The following CACNA2D4 variants were observed in gnomAD, a reference collection of about 807,000 sequenced individuals.
CACNA2D4 encodes the protein voltage-dependent calcium channel subunit alpha-2/delta-4.
CACNA2D4 carries 157 observed loss-of-function variants against 163.8 expected under a neutral mutation model. The observed-to-expected ratio is 0.96, with a 90% CI of 0.84 to 1.09. The LOEUF (loss-of-function observed/expected upper bound fraction) is 1.09, where lower values mean the gene tolerates loss of function less well. CACNA2D4 is among the 50% of genes least tolerant of loss of function. The pLI is 0.00. For synonymous variants in CACNA2D4, 598 were observed against 586.9 expected (o/e 1.02, Z -0.27); for missense variants, 1,410 against 1,479.9 (o/e 0.95, Z 0.78).
At chr12:1,837,535 C>T (rs938390753) in intron 26 of CACNA2D4, among the ~76,000 whole-genome samples, 1 of 152,104 alleles carries the variant, frequency 6.6e-6, no homozygotes, top group African/African-American at 2.4e-5. Flanking sequence ...CCCGAGAACC[C>T]CCTCCTCAGC....
At position 1,806,822 on chromosome 12, in the gene CACNA2D4, C is replaced by T. The variant is rs141106419; in HGVS notation, c.2721+3456G>A. 3.8e-4 allele frequency among the ~76,000 whole-genome samples: 58 copies of T among 152,196 alleles called. No individual in the cohort carries two copies. The highest frequency in any genetic ancestry group is 1.3e-3 in the African/African-American group (55 of 41,532). ...TCTAACAAGCTCCCAGATGCTGGGGCTTCTGTCCTTCAGCCACACTGGAGG... is the reference window on the plus strand; with the variant it reads ...TCTAACAAGCTCCCAGATGCTGGGGTTTCTGTCCTTCAGCCACACTGGAGG... On this transcript the variant is annotated intron_variant, in intron 29 of 37. Coordinates refer to ENST00000382722, the MANE Select transcript of CACNA2D4 (RefSeq NM_172364.5). This position sits in a 1 kb window ranked among gnomAD's most constrained non-coding sequence, Gnocchi z 4.1.
At chr12:1,872,120 A>G (rs1006771472) in intron 18 of CACNA2D4, among the ~76,000 whole-genome samples, 1 of 152,152 alleles carries the variant, frequency 6.6e-6, no homozygotes, top group Non-Finnish European at 1.5e-5. Context: ...TACGAGTTTA[A>G]CATCCTAGAT....
Position 1,887,124 on chromosome 12 carries a change from C to G in CACNA2D4, c.782-55G>C, listed in dbSNP as rs562362872. 6 of 1,296,260 alleles carry G rather than the reference C, an allele frequency of 4.6e-6. No individual in the cohort carries two copies. The East Asian group carries it at 1.5e-4, about 33-fold the overall frequency. The allele number at this position is 1,296,260 out of a possible 1,614,324, so 80.3% of individuals were successfully genotyped here. On this transcript the variant is annotated intron_variant, in intron 6 of 37. Transcript: ENST00000382722. ...AGCTTGGTGAGGCCACCCCAGATCC[C>G]CTGGCTGGGTGTGGACCCCCAAGAT...
At chr12:1,831,966 C>T (rs1190391739) in intron 26 of CACNA2D4, among the ~76,000 whole-genome samples, 4 of 152,196 alleles carry the variant, frequency 2.6e-5, no homozygotes, top group African/African-American at 9.7e-5. Context: ...TCTTAAACAT[C>T]TCCCCTTACA....
chr12:1,838,025 G>A (rs1207217959), intron 26 of CACNA2D4, among the ~76,000 whole-genome samples: 1 of 152,214 alleles, frequency 6.6e-6, no homozygotes, highest in Non-Finnish European at 1.5e-5. Context: ...CTGGAAGAAT[G>A]CCCGTCTGCT....
chr12:1,841,137 C>T lies in CACNA2D4; in HGVS notation c.2471-318G>A, dbSNP rs190957506. Among the ~76,000 whole-genome samples, 187 of 152,326 alleles carry T rather than the reference C, an allele frequency of 1.2e-3. 1 individual carries two copies. Among genetic ancestry groups the T allele is most frequent in the African/African-American group, 4.2e-3 (175 of 41,578 alleles). ...TTTGCCCACAACACCTGTGTTGTAT[C>T]CAGTGATCCCTTCCAACGGCAGGAA... On this transcript the variant is annotated intron_variant, in intron 25 of 37. Transcript: ENST00000382722.
At chr12:1,853,851 C>T in intron 23 of CACNA2D4, 100 bp downstream of exon 23, 1 of 880,282 alleles carries the variant, frequency 1.1e-6, no homozygotes, top group South Asian at 1.5e-5. Flanking sequence ...GACGTGGGTT[C>T]TCTCCTGAGC....
At chr12:1,815,734 C>T (rs2154446058) in intron 26 of CACNA2D4, among the ~76,000 whole-genome samples, 1 of 152,270 alleles carries the variant, frequency 6.6e-6, no homozygotes, top group Non-Finnish European at 1.5e-5. Context: ...CTTCAGGGGC[C>T]TTGCTGACCT....
Position 1,811,710 on chromosome 12 carries a change from T to G in CACNA2D4, c.2565A>C (p.Gln855His), listed in dbSNP as rs761676237. The G allele has an allele frequency of 2.6e-6, 4 of 1,559,582 alleles. No homozygotes were observed. In the African/African-American group the frequency reaches 4.1e-5, roughly 16 times the overall value. The change falls in exon 27 of 38, where the codon CAA becomes CAC. Residue 855 changes from glutamine (Q) to histidine (H), a missense_variant. By Grantham distance (24) the Gln-to-His change is conservative. Transcript: ENST00000382722. ...TGCGCTGGAGGAATTCCAGCTTCAT[T>G]TGGACGCCCGCGGCTACAGGGCAGA... Reference protein sequence around the residue: ...RTAIAAAAGVQMKLEFLQRKF... With the variant: ...RTAIAAAAGVHMKLEFLQRKF...
chr12:1,797,186 C>T (rs1248788526), intron 35 of CACNA2D4, among the ~76,000 whole-genome samples: 1 of 152,250 alleles, frequency 6.6e-6, no homozygotes. Context: ...CCCATCCCGG[C>T]TGTCCCGGTC....
In CACNA2D4 at chr12:1,797,483, G is replaced by A; in HGVS notation, c.3048C>T (p.Pro1016=). 9 of 1,585,982 alleles carry A rather than the reference G, an allele frequency of 5.7e-6. No individual in the cohort carries two copies. The highest frequency in any genetic ancestry group is 7.7e-6 in the Non-Finnish European group (9 of 1,168,350). The change falls in exon 35 of 38, where the codon CCC becomes CCT. Residue 1016 remains proline, a synonymous_variant. Coordinates refer to ENST00000382722, the MANE Select transcript of CACNA2D4 (RefSeq NM_172364.5). Reference sequence around the variant, plus strand: ...GGATGGCCGGCTGGTACACGAACACGGGGTACTCCGTGTCGCAGGGCTGCA... The same window carrying A: ...GGATGGCCGGCTGGTACACGAACACAGGGTACTCCGTGTCGCAGGGCTGCA... ...DPLQPCDTEY[P]VFVYQPAIRE...
intron 37 of CACNA2D4, 27 bp from the exon 38 acceptor site, chr12:1,793,786 C>T (rs1010510551): frequency 1.1e-5 from 18 of 1,593,790 alleles, no homozygotes; most frequent in African/African-American, 2.7e-5. Context: ...GAGGTGACAG[C>T]GCGGCGCTCA....
At chr12:1,862,126 T>C (rs1307228404) in intron 18 of CACNA2D4, among the ~76,000 whole-genome samples, 5 of 152,202 alleles carry the variant, frequency 3.3e-5, no homozygotes, top group South Asian at 2.1e-4. Context: ...CGCTCATCGA[T>C]TGATGGATAT....
chr12:1,818,234 GC>G (rs1863951758), intron 26 of CACNA2D4, among the ~76,000 whole-genome samples: 1 of 151,644 alleles, frequency 6.6e-6, no homozygotes, highest in South Asian at 2.1e-4. Context: ...GAAGTGAGGA[GC>G]CCCTCTGCCC....
At position 1,799,949 on chromosome 12, in the gene CACNA2D4, C is replaced by G; in HGVS notation, c.2974+51G>C. 1 of 1,568,366 alleles carries G rather than the reference C, an allele frequency of 6.4e-7. No homozygotes were observed. The highest frequency in any genetic ancestry group is 8.7e-7 in the Non-Finnish European group (1 of 1,154,336). ...CAGGGAATGGTCTCACGTTAGTGGA[C>G]CAAAATGCCACTGCTCTTCAGCACA... On this transcript the variant is annotated intron_variant, in intron 33 of 37. Transcript: ENST00000382722. This position sits in a 1 kb window ranked among gnomAD's most constrained non-coding sequence, Gnocchi z 4.7.
chr12:1,852,827 G>C (rs1865314792), intron 23 of CACNA2D4, among the ~76,000 whole-genome samples: 1 of 152,168 alleles, frequency 6.6e-6, no homozygotes, highest in African/African-American at 2.4e-5. Context: ...GCCTGCTGTT[G>C]ATTCCAGCTC....
intron 29 of CACNA2D4, among the ~76,000 whole-genome samples, chr12:1,804,455 A>G (rs75396386): frequency 0.014 from 2,075 of 152,238 alleles, 40 homozygotes; most frequent in African/African-American, 0.048. Flanking sequence ...GGATTCTGAG[A>G]AGAGAGGTCC....
intron 29 of CACNA2D4, among the ~76,000 whole-genome samples, chr12:1,804,439 G>C (rs1863450786): frequency 6.6e-6 from 1 of 152,142 alleles, no homozygotes. Context: ...CTGTGGTTTA[G>C]ACCCTGGATT....
At chr12:1,817,080 C>T (rs1055880332) in intron 26 of CACNA2D4, among the ~76,000 whole-genome samples, 2 of 152,208 alleles carry the variant, frequency 1.3e-5, no homozygotes, top group African/African-American at 4.8e-5. Context: ...CAGGAGACTG[C>T]GTGTTGCACG....
Sources: allele counts gnomAD v4.1 joint callset (sites outside exome capture counted in the v4.1 genomes callset), GRCh38; gene constraint gnomAD v4.1.1; non-coding constraint Gnocchi (gnomAD v3.1); transcripts MANE v1.5; gene names NCBI Gene and HGNC (gene_info 2026-07-23, HGNC 2026-07-21).